Variants in NCAM2 observed in about 807,000 individuals in gnomAD.
NCAM2 encodes neural cell adhesion molecule 2, also known as N-CAM-2.
Under a neutral mutation model 98.1 loss-of-function variants are expected in NCAM2, and 30 were observed. That is an observed-to-expected ratio of 0.31 (90% confidence interval 0.23 to 0.41). The LOEUF (loss-of-function observed/expected upper bound fraction) is 0.41, where lower values mean the gene tolerates loss of function less well. Among genes scored for constraint, NCAM2 ranks in the 10% least tolerant of loss-of-function variants. NCAM2 has a pLI of 1.00. For synonymous variants in NCAM2, 368 were observed against 342.4 expected, an observed-to-expected ratio of 1.07 and a Z score of -0.83; for missense variants, 867 against 1,005.8, an observed-to-expected ratio of 0.86 and a Z score of 1.87.
At chr21:21,386,892 G>A (rs1382283194) in intron 9 of NCAM2, among the ~76,000 whole-genome samples, 1 of 152,126 alleles carries the variant, frequency 6.6e-6, no homozygotes, top group African/African-American at 2.4e-5. Context: ...GTTGGCGTCT[G>A]TTTAACAGTC....
intron 15 of NCAM2, among the ~76,000 whole-genome samples, chr21:21,484,489 A>C (rs1482037115): frequency 2.0e-5 from 3 of 152,178 alleles, no homozygotes; most frequent in African/African-American, 7.2e-5. Flanking sequence ...GCGAAAATGG[A>C]AGCCAGTCGT....
rs1990155371 is a variant in NCAM2, at chr21:21,539,747, A to G, written c.*1790A>G. 1 of 152,108 alleles carries G rather than the reference A, an allele frequency of 6.6e-6. No individual in the cohort carries two copies. Among genetic ancestry groups the G allele is most frequent in the Non-Finnish European group, 1.5e-5 (1 of 68,010 alleles). The allele number at this position is 152,108 out of a possible 1,614,324, so 9.4% of individuals were successfully genotyped here. A position where few individuals can be genotyped will look rare whatever the true frequency, so the allele number is the denominator to read the frequency against. Reference sequence around the variant, plus strand: ...TGGCGTATTCTGAAGAAAAGAACAGAATTCTTGTGCCTACCTAAGAATTTG... The same window carrying G: ...TGGCGTATTCTGAAGAAAAGAACAGGATTCTTGTGCCTACCTAAGAATTTG... On this transcript the variant is annotated 3_prime_UTR_variant, in exon 18 of 18. Transcript: ENST00000400546.
intron 1 of NCAM2, among the ~76,000 whole-genome samples, chr21:21,034,459 C>G (rs1408039757): frequency 6.6e-6 from 1 of 152,108 alleles, no homozygotes; most frequent in African/African-American, 2.4e-5. Flanking sequence ...GTCGTCCATA[C>G]ATCAACAGGC....
intron 1 of NCAM2, among the ~76,000 whole-genome samples, chr21:21,270,179 T>A (rs2072439830): frequency 6.6e-6 from 1 of 152,210 alleles, no homozygotes; most frequent in Non-Finnish European, 1.5e-5. Flanking sequence ...CTTACATGTC[T>A]AAGTGTTGCC....
chr21:21,302,498 G>C (rs946510575), intron 5 of NCAM2, among the ~76,000 whole-genome samples: 9 of 151,704 alleles, frequency 5.9e-5, no homozygotes, highest in African/African-American at 2.2e-4. Flanking sequence ...ACATTGTTTT[G>C]GTTATGCTTA....
chr21:21,265,149 T>C (rs1210328520), intron 1 of NCAM2, among the ~76,000 whole-genome samples: 2 of 119,092 alleles, frequency 1.7e-5, no homozygotes, highest in African/African-American at 6.4e-5. Context: ...ATAATATATA[T>C]ACATATATAC....
intron 15 of NCAM2, among the ~76,000 whole-genome samples, chr21:21,488,791 A>G (rs1986606107): frequency 6.6e-6 from 1 of 151,868 alleles, no homozygotes; most frequent in Non-Finnish European, 1.5e-5. Context: ...ATTATCACAT[A>G]TATTTTTGTC....
Position 20,998,478 on chromosome 21 carries a change from C to T in NCAM2, c.-86C>T. 2.9e-6 allele frequency: 4 copies of T among 1,401,378 alleles called. No individual in the cohort carries two copies. The highest frequency in any genetic ancestry group is 3.9e-6 in the Non-Finnish European group (4 of 1,016,938). 86.8% of individuals were successfully genotyped at this position (1,401,378 alleles called of 1,614,324 possible). On this transcript the variant is annotated 5_prime_UTR_variant, in exon 1 of 18. Coordinates refer to ENST00000400546, the MANE Select transcript of NCAM2 (RefSeq NM_004540.5). ...GCGGGAGCGGCGGCGGCGGCTCTAG[C>T]AGAGGCGGCCGGGGCAGCGAAAGGT...
intron 1 of NCAM2, among the ~76,000 whole-genome samples, chr21:21,056,757 G>A (rs573010671): frequency 1.1e-4 from 17 of 151,822 alleles, no homozygotes; most frequent in Non-Finnish European, 2.4e-4. Context: ...AGTATAGTTT[G>A]GTTTAAACAT....
intron 1 of NCAM2, among the ~76,000 whole-genome samples, chr21:21,176,457 T>C (rs1379295720): frequency 6.6e-6 from 1 of 152,182 alleles, no homozygotes. Context: ...TATATATTGC[T>C]AATTTGGTGT....
chr21:21,034,261 TATTTCACAAGAG>T (rs1261704466), intron 1 of NCAM2, among the ~76,000 whole-genome samples: 1 of 152,158 alleles, frequency 6.6e-6, no homozygotes, highest in African/African-American at 2.4e-5. Context: ...GCATACACCA[TATTTCACAAGAG>T]ATTTCACAAG....
At chr21:21,266,445 C>T (rs1257463216) in intron 1 of NCAM2, among the ~76,000 whole-genome samples, 1 of 151,986 alleles carries the variant, frequency 6.6e-6, no homozygotes, top group Admixed American at 6.6e-5. Context: ...CGGTACTATT[C>T]ACAATAGCAA....
chr21:21,227,797 C>T (rs1464286255), intron 1 of NCAM2, among the ~76,000 whole-genome samples: 2 of 151,722 alleles, frequency 1.3e-5, no homozygotes, highest in African/African-American at 4.8e-5. Flanking sequence ...ATATCCCTGT[C>T]TCAGCCTACA....
intron 1 of NCAM2, among the ~76,000 whole-genome samples, chr21:21,275,165 G>T (rs1420262664): frequency 6.6e-6 from 1 of 152,040 alleles, no homozygotes; most frequent in Non-Finnish European, 1.5e-5. Flanking sequence ...TTTGGACCGG[G>T]CGCGGTGGCT....
intron 15 of NCAM2, among the ~76,000 whole-genome samples, chr21:21,498,155 G>A (rs1339423283): frequency 6.6e-6 from 1 of 152,074 alleles, no homozygotes; most frequent in East Asian, 1.9e-4. Flanking sequence ...AATAACTTGT[G>A]TGTGATTCTA....
rs142868931 is a variant in NCAM2, at chr21:21,195,743, G to A, written c.56-84835G>A. On this transcript the variant is annotated intron_variant, in intron 1 of 17. Coordinates refer to ENST00000400546, the MANE Select transcript of NCAM2 (RefSeq NM_004540.5). ...GAACATGTATTTTGACAGCATGTGC[G>A]ATACTCCAGACATGATTGCTGTAGC... Among the ~76,000 whole-genome samples, 703 of 152,224 alleles carry A rather than the reference G, an allele frequency of 4.6e-3. 1 individual carries two copies. The highest frequency in any genetic ancestry group is 0.011 in the Admixed American group (165 of 15,284).
chr21:21,453,585 G>A (rs1456415665), intron 12 of NCAM2, among the ~76,000 whole-genome samples: 1 of 151,994 alleles, frequency 6.6e-6, no homozygotes, highest in African/African-American at 2.4e-5. Flanking sequence ...TATTAAAAGG[G>A]ATCATTTTGA....
intron 1 of NCAM2, among the ~76,000 whole-genome samples, chr21:21,167,536 AAGATT>A (rs1252346722): frequency 3.9e-5 from 6 of 152,162 alleles, no homozygotes; most frequent in African/African-American, 9.7e-5. Context: ...AATGTTTAAT[AAGATT>A]AGATAAGAGT....
intron 9 of NCAM2, among the ~76,000 whole-genome samples, chr21:21,392,429 T>C: frequency 6.6e-6 from 1 of 152,236 alleles, no homozygotes; most frequent in East Asian, 1.9e-4. Flanking sequence ...AATGTGTCTT[T>C]ATACTAGAAT....
Sources: allele counts gnomAD v4.1 joint callset (sites outside exome capture counted in the v4.1 genomes callset), GRCh38; gene constraint gnomAD v4.1.1; transcripts MANE v1.5; gene names NCBI Gene and HGNC (gene_info 2026-07-23, HGNC 2026-07-21).